The following EPB41L3 variants were observed in gnomAD, a reference collection of about 807,000 sequenced individuals.
EPB41L3 encodes the protein erythrocyte membrane protein band 4.1 like 3.
Under a neutral mutation model 127.1 loss-of-function variants are expected in EPB41L3, and 57 were observed. That is an observed-to-expected ratio of 0.45 (90% CI 0.36 to 0.56). The LOEUF (loss-of-function observed/expected upper bound fraction) is 0.56, where lower values mean the gene tolerates loss of function less well. EPB41L3 is among the 20% of genes least tolerant of loss of function. EPB41L3 has a pLI of 0.00. For missense variants in EPB41L3, 1,273 were observed against 1,372.2 expected (o/e 0.93, Z 1.14); for synonymous variants, 572 against 549.5 (o/e 1.04, Z -0.57).
At chr18:5,468,710 C>A (rs573826930) in intron 3 of EPB41L3, among the ~76,000 whole-genome samples, 2 of 152,144 alleles carry the variant, frequency 1.3e-5, no homozygotes, top group Admixed American at 1.3e-4. Context: ...GTCAGGAGTT[C>A]GAGATCAGCC....
At position 5,410,571 on chromosome 18, in the gene EPB41L3, T is replaced by A. The variant is rs2076071715; in HGVS notation, c.2116A>T (p.Thr706Ser). Residue 706 changes from threonine to serine, a missense_variant, in exon 14 of 23, where the codon ACT becomes TCT. Transcript: ENST00000341928. ...CTCTCAGCCAAAATACCAACCTCAGTGGCAGTGGTCTCCCCGTCGGCTGCG... is the reference window on the plus strand; with the variant it reads ...CTCTCAGCCAAAATACCAACCTCAGAGGCAGTGGTCTCCCCGTCGGCTGCG... Reference protein sequence around the residue: ...DTAADGETTATESDQEEDAEL... With the variant: ...DTAADGETTASESDQEEDAEL... 6.2e-6 allele frequency: 10 copies of A among 1,613,352 alleles called. 1 individual carries two copies. The East Asian group carries it at 2.0e-4, about 32-fold the overall frequency.
At chr18:5,425,899 G>A (rs544813370) in intron 9 of EPB41L3, among the ~76,000 whole-genome samples, 1 of 152,196 alleles carries the variant, frequency 6.6e-6, no homozygotes, top group African/African-American at 2.4e-5. Context: ...TTGCCCTTCT[G>A]AACTCTGAAA....
intron 3 of EPB41L3, among the ~76,000 whole-genome samples, chr18:5,597,124 C>T (rs1206386594): frequency 6.6e-6 from 1 of 152,028 alleles, no homozygotes; most frequent in Non-Finnish European, 1.5e-5. Context: ...TGTTTCACAC[C>T]CTTGCCTCAC....
chr18:5,418,642 C>A (rs897988585), intron 12 of EPB41L3, among the ~76,000 whole-genome samples: 2 of 152,306 alleles, frequency 1.3e-5, no homozygotes, highest in Admixed American at 6.5e-5. Context: ...TTCCTACTCT[C>A]TGCTTAATTT....
intron 5 of EPB41L3, among the ~76,000 whole-genome samples, chr18:5,441,213 A>T (rs982400269): frequency 6.6e-6 from 1 of 152,196 alleles, no homozygotes; most frequent in African/African-American, 2.4e-5. Flanking sequence ...ATTTGGACTT[A>T]AGATATTTGT....
chr18:5,620,136 A>AC (rs1247903996), intron 1 of EPB41L3, among the ~76,000 whole-genome samples: 1 of 152,146 alleles, frequency 6.6e-6, no homozygotes, highest in African/African-American at 2.4e-5. Flanking sequence ...CAAGTTTAAA[A>AC]AAAAAAGGTT....
chr18:5,395,961 G>A (rs1236248796), intron 19 of EPB41L3, among the ~76,000 whole-genome samples: 1 of 151,916 alleles, frequency 6.6e-6, no homozygotes, highest in African/African-American at 2.4e-5. Context: ...CTGTGGCTAG[G>A]GAAACAGGTT....
chr18:5,584,161 G>A (rs902783775), intron 3 of EPB41L3, among the ~76,000 whole-genome samples: 2 of 152,152 alleles, frequency 1.3e-5, no homozygotes, highest in East Asian at 1.9e-4. Context: ...CACCTTTGAT[G>A]TATGGGTTCT....
chr18:5,432,741 C>T lies in EPB41L3; in HGVS notation c.912+728G>A, dbSNP rs369256281. ...GACTGTAACCCTCCTACAGTCTCAA[C>T]CCAAATTCTTTGTACCCAAGACTCC... On this transcript the variant is annotated intron_variant, in intron 8 of 22. Coordinates refer to ENST00000341928, the MANE Select transcript of EPB41L3 (RefSeq NM_012307.5). Among the ~76,000 whole-genome samples the T allele has an allele frequency of 4.0e-3, 612 of 152,290 alleles. 2 individuals carry two copies. Among genetic ancestry groups the T allele is most frequent in the Non-Finnish European group, 6.2e-3 (420 of 68,016 alleles).
chr18:5,547,434 A>G (rs2093899037), upstream of EPB41L3, among the ~76,000 whole-genome samples: 1 of 152,242 alleles, frequency 6.6e-6, no homozygotes, highest in African/African-American at 2.4e-5. Flanking sequence ...AGTACTAAAG[A>G]GAGTGTTATG....
chr18:5,402,980 A>G (rs1158815124), intron 16 of EPB41L3, among the ~76,000 whole-genome samples: 2 of 152,200 alleles, frequency 1.3e-5, no homozygotes, highest in Non-Finnish European at 2.9e-5. Flanking sequence ...CTGTAAAACT[A>G]TCACTCATAT....
chr18:5,623,921 C>G (rs182358519), intron 1 of EPB41L3, among the ~76,000 whole-genome samples: 3 of 151,792 alleles, frequency 2.0e-5, no homozygotes, highest in African/African-American at 7.3e-5. Flanking sequence ...CCTCCCAAAG[C>G]GCTGGGATTA....
At position 5,603,752 on chromosome 18, in the gene EPB41L3, G is replaced by A. The variant is rs149520962; in HGVS notation, c.-306+8588C>T. Among the ~76,000 whole-genome samples, 439 of 152,158 alleles carry A rather than the reference G, an allele frequency of 2.9e-3. 2 individuals are homozygous for A. Among genetic ancestry groups the A allele is most frequent in the African/African-American group, 9.5e-3 (394 of 41,532 alleles). ...AAAAAATAGCCTGGCATGGTGGTAC[G>A]TGCTTATAGTCCTAGCTACTTGGGA... On this transcript the variant is annotated intron_variant, in intron 3 of 21. Transcript: ENST00000545076.
At chr18:5,541,277 A>AAAG (rs2093723270) in intron 1 of EPB41L3, among the ~76,000 whole-genome samples, 1 of 149,004 alleles carries the variant, frequency 6.7e-6, no homozygotes, top group Non-Finnish European at 1.5e-5. Flanking sequence ...AAAAAAAAAA[A>AAAG]GTCTCTCTCT....
chr18:5,471,010 G>A (rs2086045461), intron 3 of EPB41L3, among the ~76,000 whole-genome samples: 1 of 152,162 alleles, frequency 6.6e-6, no homozygotes, highest in Non-Finnish European at 1.5e-5. Context: ...CTGACTGGGG[G>A]CCTGGACTCT....
chr18:5,505,534 A>G (rs1598412414), intron 1 of EPB41L3, among the ~76,000 whole-genome samples: 1 of 120,418 alleles, frequency 8.3e-6, no homozygotes, highest in African/African-American at 3.2e-5. Flanking sequence ...TTTCACCTCC[A>G]CCCCTACCCT....
intron 16 of EPB41L3, chr18:5,399,156 T>C (rs1462753561): frequency 1.0e-5 from 4 of 398,982 alleles, no homozygotes; most frequent in African/African-American, 4.1e-5. Flanking sequence ...GACAGTGTCA[T>C]AGGATTTTCC....
chr18:5,469,054 T>A (rs549806770), intron 3 of EPB41L3, among the ~76,000 whole-genome samples: 155 of 152,294 alleles, frequency 1.0e-3, no homozygotes, highest in African/African-American at 3.6e-3. Context: ...CTGCTCCCCA[T>A]CCAGTTGCCC....
At chr18:5,522,597 A>C (rs910438697) in intron 1 of EPB41L3, among the ~76,000 whole-genome samples, 26 of 152,240 alleles carry the variant, frequency 1.7e-4, no homozygotes, top group Non-Finnish European at 3.7e-4. Flanking sequence ...AAAAATATAC[A>C]AATACAGGCA....
Sources: allele counts gnomAD v4.1 joint callset (sites outside exome capture counted in the v4.1 genomes callset), GRCh38; gene constraint gnomAD v4.1.1; transcripts MANE v1.5; gene names NCBI Gene and HGNC (gene_info 2026-07-23, HGNC 2026-07-21).